AKAP19: variants seen among roughly 807,000 people sequenced by gnomAD.
AKAP19 encodes small A-kinase anchoring protein.
the AKAP19 span, among the ~76,000 whole-genome samples, chr2:189,899,483 T>A: frequency 2.6e-5 from 4 of 152,184 alleles, no homozygotes; most frequent in Non-Finnish European, 5.9e-5. Context: ...TTGGTAACCA[T>A]CTTGTCAGAA....
the AKAP19 span, among the ~76,000 whole-genome samples, chr2:190,085,482 C>G: frequency 6.6e-6 from 1 of 152,130 alleles, no homozygotes; most frequent in Non-Finnish European, 1.5e-5. Flanking sequence ...ATAGCGTTCA[C>G]TGATCATCTA....
At chr2:190,117,976 A>C in the AKAP19 span, among the ~76,000 whole-genome samples, 1 of 152,204 alleles carries the variant, frequency 6.6e-6, no homozygotes, top group Admixed American at 6.5e-5. Flanking sequence ...GACCACTAGC[A>C]AGACTAATAA....
At chr2:189,940,869 C>T in the AKAP19 span, among the ~76,000 whole-genome samples, 4 of 151,558 alleles carry the variant, frequency 2.6e-5, no homozygotes, top group Admixed American at 6.6e-5. Flanking sequence ...CCAACCTGGG[C>T]GACAGAGCAA....
chr2:190,197,701 T>C, the AKAP19 span, among the ~76,000 whole-genome samples: 1 of 152,224 alleles, frequency 6.6e-6, no homozygotes, highest in Admixed American at 6.5e-5. This position sits in a 1 kb window ranked among gnomAD's most constrained non-coding sequence, Gnocchi z 4.0. Flanking sequence ...CAATCCAGTG[T>C]TGCTTGTTGC....
At chr2:190,118,268 A>G in the AKAP19 span, among the ~76,000 whole-genome samples, 1 of 152,222 alleles carries the variant, frequency 6.6e-6, no homozygotes, top group African/African-American at 2.4e-5. Context: ...ACAGATTCAC[A>G]GCCGAATTCT....
At chr2:190,128,083 G>T in the AKAP19 span, among the ~76,000 whole-genome samples, 1 of 152,238 alleles carries the variant, frequency 6.6e-6, no homozygotes, top group African/African-American at 2.4e-5. Flanking sequence ...ACTCAATGTG[G>T]AAATACAGCT....
the AKAP19 span, among the ~76,000 whole-genome samples, chr2:190,122,900 C>T: frequency 6.6e-6 from 1 of 151,796 alleles, no homozygotes; most frequent in East Asian, 1.9e-4. Flanking sequence ...ACCTTGAACA[C>T]TTGGGCTCAT....
At chr2:189,976,694 G>C in the AKAP19 span, among the ~76,000 whole-genome samples, 2 of 152,174 alleles carry the variant, frequency 1.3e-5, no homozygotes, top group Non-Finnish European at 2.9e-5. Flanking sequence ...CCCTCCCCCA[G>C]CCTCGCTGCT....
the AKAP19 span, among the ~76,000 whole-genome samples, chr2:190,065,981 T>C: frequency 3.9e-5 from 6 of 152,172 alleles, no homozygotes; most frequent in South Asian, 2.1e-4. Context: ...GCAGTTCTTA[T>C]CACCAAGGAG....
chr2:190,108,769 T>A, the AKAP19 span, among the ~76,000 whole-genome samples: 1 of 147,114 alleles, frequency 6.8e-6, no homozygotes, highest in Non-Finnish European at 1.5e-5. Flanking sequence ...TAGAGGCTAT[T>A]TTGCCTGTTT....
At chr2:190,094,824 T>C in the AKAP19 span, among the ~76,000 whole-genome samples, 4 of 152,228 alleles carry the variant, frequency 2.6e-5, no homozygotes, top group African/African-American at 9.6e-5. Flanking sequence ...AGGCATTTTA[T>C]AGATAACTTT....
At chr2:190,055,253 C>A in the AKAP19 span, among the ~76,000 whole-genome samples, 1 of 147,284 alleles carries the variant, frequency 6.8e-6, no homozygotes, top group Non-Finnish European at 1.5e-5. Context: ...ACCACATATT[C>A]TCACTCATAG....
At chr2:190,150,775 T>C in the AKAP19 span, among the ~76,000 whole-genome samples, 1 of 151,992 alleles carries the variant, frequency 6.6e-6, no homozygotes, top group East Asian at 1.9e-4. Flanking sequence ...GCTTTTTTTT[T>C]TTTTTCATTA....
At chr2:190,194,483 C>T in the AKAP19 span, among the ~76,000 whole-genome samples, 5 of 116,222 alleles carry the variant, frequency 4.3e-5, no homozygotes, top group African/African-American at 1.5e-4. Context: ...TGTATACACA[C>T]ACACACACAC....
At chr2:189,983,056 T>C in the AKAP19 span, among the ~76,000 whole-genome samples, 3 of 152,146 alleles carry the variant, frequency 2.0e-5, no homozygotes, top group Non-Finnish European at 2.9e-5. Flanking sequence ...CCCACCCTGA[T>C]TGGGGCTGAC....
chr2:190,199,655 G>T, the AKAP19 span: 1 of 1,295,738 alleles, frequency 7.7e-7, no homozygotes, highest in Non-Finnish European at 1.0e-6. Flanking sequence ...ACACTATTTT[G>T]CATTCTGTAA....
At chr2:190,200,183 G>C in the AKAP19 span, 2 of 1,577,350 alleles carry the variant, frequency 1.3e-6, no homozygotes, top group East Asian at 2.2e-5. Flanking sequence ...CTGTGGAGGT[G>C]CTAGTTTGAA....
the AKAP19 span, among the ~76,000 whole-genome samples, chr2:190,089,112 T>TCA: frequency 6.6e-6 from 1 of 152,212 alleles, no homozygotes; most frequent in African/African-American, 2.4e-5. Context: ...AAATCACAGT[T>TCA]ACCCTTTGTC....
the AKAP19 span, among the ~76,000 whole-genome samples, chr2:189,985,683 A>G: frequency 1.3e-5 from 2 of 152,224 alleles, no homozygotes; most frequent in African/African-American, 4.8e-5. Context: ...CTTCCCTGAT[A>G]AGAACTCAGT....
Sources: allele counts gnomAD v4.1 joint callset (sites outside exome capture counted in the v4.1 genomes callset), GRCh38; gene constraint gnomAD v4.1.1; non-coding constraint Gnocchi (gnomAD v3.1); transcripts MANE v1.5; gene names NCBI Gene and HGNC (gene_info 2026-07-23, HGNC 2026-07-21).